CDC42BPA: variants seen among roughly 807,000 people sequenced by gnomAD.
CDC42BPA encodes serine/threonine-protein kinase MRCK alpha.
In CDC42BPA, 80 loss-of-function variants were observed where a neutral mutation model predicts 223.5. The observed-to-expected ratio is 0.36, with a 90% CI of 0.30 to 0.43. The LOEUF (loss-of-function observed/expected upper bound fraction) is 0.43, where lower values mean the gene tolerates loss of function less well. CDC42BPA is among the 20% of genes least tolerant of loss of function. CDC42BPA has a pLI of 1.00. For synonymous variants in CDC42BPA, 694 were observed against 718.6 expected (o/e 0.97, Z 0.55); for missense variants, 1,743 against 2,099.9 (o/e 0.83, Z 3.32).
rs369874955 is a variant in CDC42BPA, at chr1:227,047,919, T to C, written c.3093+8A>G. 7 of 1,561,214 alleles carry C rather than the reference T, an allele frequency of 4.5e-6. No homozygotes were observed. In the African/African-American group the frequency reaches 5.4e-5, roughly 12 times the overall value. ...GGAACACACTATGCTTATAACTAGA[T>C]TGAGTACCTTAGGTGGAAAGCCAGT... On this transcript the variant is annotated splice_region_variant and intron_variant, in intron 23 of 36. Coordinates refer to ENST00000366766, the MANE Select transcript of CDC42BPA (RefSeq NM_001394014.1).
At chr1:227,137,635 A>C (rs1490872969) in intron 10 of CDC42BPA, among the ~76,000 whole-genome samples, 2 of 151,866 alleles carry the variant, frequency 1.3e-5, no homozygotes, top group African/African-American at 2.4e-5. Context: ...CAGACTGGGT[A>C]ATTTTTTATT....
intron 2 of CDC42BPA, among the ~76,000 whole-genome samples, chr1:227,252,164 C>T (rs1682127687): frequency 6.6e-6 from 1 of 151,606 alleles, no homozygotes; most frequent in South Asian, 2.1e-4. Flanking sequence ...TTATAAAGTG[C>T]AGAAATTAAA....
rs1216438998 is a variant in CDC42BPA, at chr1:227,179,659, A to AAAG, written c.599+14126_599+14127insCTT. On this transcript the variant is annotated intron_variant, in intron 5 of 36. Transcript: ENST00000366766. ...TCAAAAAAAAAAAAAAAAAAAAAAA[A>AAAG]AGCTATTTTAAAAGACTATTTACAA... Among the ~76,000 whole-genome samples the AAAG allele has an allele frequency of 2.4e-4, 35 of 146,962 alleles. 1 individual carries two copies. Among genetic ancestry groups the AAAG allele is most frequent in the African/African-American group, 7.6e-4 (29 of 38,090 alleles).
At chr1:227,311,844 C>CATG (rs1693593401) in intron 1 of CDC42BPA, among the ~76,000 whole-genome samples, 1 of 152,232 alleles carries the variant, frequency 6.6e-6, no homozygotes, top group East Asian at 1.9e-4. Context: ...CTCCCTCCCC[C>CATG]ATGTCTCCTC....
chr1:227,282,236 G>A (rs946924303), intron 1 of CDC42BPA, among the ~76,000 whole-genome samples: 1 of 150,390 alleles, frequency 6.6e-6, no homozygotes, highest in Non-Finnish European at 1.5e-5. Context: ...GTGAATTAGA[G>A]TAAACATTAC....
chr1:227,132,283 G>A (rs935470856), intron 10 of CDC42BPA, among the ~76,000 whole-genome samples: 10 of 152,128 alleles, frequency 6.6e-5, no homozygotes, highest in Admixed American at 1.3e-4. Flanking sequence ...CAGGCGCGCC[G>A]CCACACCTGA....
At chr1:227,272,300 T>C (rs567405214) in intron 1 of CDC42BPA, among the ~76,000 whole-genome samples, 1 of 152,306 alleles carries the variant, frequency 6.6e-6, no homozygotes, top group South Asian at 2.1e-4. Context: ...ATACCACAGA[T>C]ATATCAGAAT....
At chr1:227,059,000 TA>T (rs67377723) in intron 21 of CDC42BPA, among the ~76,000 whole-genome samples, 30,259 of 151,942 alleles carry the variant, frequency 0.2, 3,115 homozygotes, top group Middle Eastern at 0.26. Flanking sequence ...TCTTTCTACA[TA>T]ATTAAAATCT....
At chr1:227,156,658 T>C (rs764639099) in intron 6 of CDC42BPA, among the ~76,000 whole-genome samples, 7 of 152,088 alleles carry the variant, frequency 4.6e-5, no homozygotes, top group Non-Finnish European at 8.8e-5. Flanking sequence ...ACAAATATAA[T>C]TGGAGGAAAC....
intron 14 of CDC42BPA, among the ~76,000 whole-genome samples, chr1:227,106,728 G>A (rs1686004905): frequency 6.6e-6 from 1 of 152,122 alleles, no homozygotes; most frequent in Admixed American, 6.5e-5. Flanking sequence ...GATCCAATTT[G>A]AGTTAATTTG....
chr1:227,237,192 A>C (rs1679205040), intron 2 of CDC42BPA, among the ~76,000 whole-genome samples: 1 of 151,976 alleles, frequency 6.6e-6, no homozygotes, highest in Non-Finnish European at 1.5e-5. Flanking sequence ...GTTTAAGTTT[A>C]GAATTACTTC....
chr1:227,072,320 G>GA (rs753275556), intron 19 of CDC42BPA, 21 bp from the exon 20 acceptor site: 22 of 1,393,750 alleles, frequency 1.6e-5, no homozygotes, highest in Non-Finnish European at 2.0e-5. Context: ...GAGAAAAAAG[G>GA]AAAAATGTCA....
chr1:227,127,022 G>T (rs1185581441), intron 11 of CDC42BPA, among the ~76,000 whole-genome samples: 1 of 152,026 alleles, frequency 6.6e-6, no homozygotes. Context: ...AAATCCCAAA[G>T]AATCTATTTT....
chr1:227,145,416 A>G, intron 8 of CDC42BPA, 73 bp downstream of exon 8: 1 of 1,383,504 alleles, frequency 7.2e-7, no homozygotes, highest in Non-Finnish European at 9.8e-7. Context: ...AATACTTATA[A>G]ACCAAAAAAT....
chr1:227,279,758 T>G (rs2148556786), intron 1 of CDC42BPA, among the ~76,000 whole-genome samples: 1 of 152,182 alleles, frequency 6.6e-6, no homozygotes, highest in African/African-American at 2.4e-5. Context: ...CACACAAAAT[T>G]TAACATACTG....
At chr1:227,265,355 A>T (rs536033303) in intron 1 of CDC42BPA, 1 of 328,154 alleles carries the variant, frequency 3.0e-6, no homozygotes, top group South Asian at 4.3e-5. Context: ...GGTCATGAGG[A>T]TTTAATAAAA....
chr1:227,004,893 G>A (rs1404881023), intron 35 of CDC42BPA, 101 bp downstream of exon 35: 5 of 832,742 alleles, frequency 6.0e-6, no homozygotes, highest in Admixed American at 3.4e-5. Flanking sequence ...AGAATGCAAT[G>A]GGCACACGTA....
intron 30 of CDC42BPA, among the ~76,000 whole-genome samples, chr1:227,027,684 CG>C (rs1290420974): frequency 6.6e-6 from 1 of 152,198 alleles, no homozygotes; most frequent in Non-Finnish European, 1.5e-5. Context: ...TGCTTTATCA[CG>C]AATCTTTTCC....
At chr1:227,069,716 T>C in intron 21 of CDC42BPA, 61 bp downstream of exon 21, 1 of 1,247,832 alleles carries the variant, frequency 8.0e-7, no homozygotes, top group South Asian at 1.3e-5. Flanking sequence ...TAAGTGAACT[T>C]TAAATTACAA....
Sources: gnomAD v4.1 joint callset for allele counts (sites outside exome capture counted in the v4.1 genomes callset) on GRCh38, gnomAD v4.1.1 for gene constraint, MANE v1.5 for transcripts, NCBI Gene and HGNC (gene_info 2026-07-23, HGNC 2026-07-21) for gene names.